Variants in CCSER1 observed in about 807,000 individuals in gnomAD.
CCSER1 encodes serine-rich coiled-coil domain-containing protein 1.
In CCSER1, 41 loss-of-function variants were observed where a neutral mutation model predicts 82.0. The observed-to-expected ratio is 0.50, with a 90% CI of 0.39 to 0.65. The LOEUF is 0.65. CCSER1 is among the 30% of genes least tolerant of loss of function. The probability of loss-of-function intolerance (pLI) is 0.00; values close to 1 mark genes in which losing one functional copy is unlikely to be tolerated. For missense variants in CCSER1, 1,119 were observed against 1,064.2 expected (o/e 1.05, Z -0.72); for synonymous variants, 414 against 383.9 (o/e 1.08, Z -0.92).
intron 3 of CCSER1, among the ~76,000 whole-genome samples, chr4:90,396,976 T>C (rs972787158): frequency 6.7e-6 from 1 of 148,254 alleles, no homozygotes; most frequent in Admixed American, 6.7e-5. Context: ...CTGTTGCTGC[T>C]ATTGGTGTCT....
chr4:90,881,562 A>G (rs552086065), intron 8 of CCSER1, among the ~76,000 whole-genome samples: 9 of 152,258 alleles, frequency 5.9e-5, no homozygotes, highest in African/African-American at 1.4e-4. Context: ...GTCTGAGCTC[A>G]GGAGTTTGAG....
intron 10 of CCSER1, among the ~76,000 whole-genome samples, chr4:91,254,052 AAACTAT>A (rs1740481478): frequency 6.6e-6 from 1 of 152,180 alleles, no homozygotes; most frequent in Admixed American, 6.5e-5. Context: ...ACACAGATTG[AAACTAT>A]ATCAGTAACA....
intron 10 of CCSER1, among the ~76,000 whole-genome samples, chr4:91,399,082 G>T (rs1389417825): frequency 6.6e-6 from 1 of 151,834 alleles, no homozygotes; most frequent in Non-Finnish European, 1.5e-5. Context: ...TTAAAAGTGG[G>T]CAGAGAGGAA....
intron 10 of CCSER1, among the ~76,000 whole-genome samples, chr4:91,192,146 C>T (rs974426852): frequency 1.3e-5 from 2 of 152,178 alleles, no homozygotes; most frequent in Admixed American, 6.6e-5. Context: ...TTATCTTTCT[C>T]TCCTGAATCT....
intron 10 of CCSER1, among the ~76,000 whole-genome samples, chr4:91,574,443 C>T (rs972300161): frequency 1.6e-4 from 24 of 151,860 alleles, no homozygotes; most frequent in African/African-American, 5.8e-4. Context: ...CACATGCACT[C>T]GTATGTTAAT....
chr4:90,936,703 C>T (rs940106023), intron 9 of CCSER1, among the ~76,000 whole-genome samples: 2 of 152,016 alleles, frequency 1.3e-5, no homozygotes, highest in African/African-American at 4.8e-5. Flanking sequence ...AAACAGAATT[C>T]CAGATTTCTA....
At chr4:90,491,802 T>A (rs1768065726) in intron 5 of CCSER1, among the ~76,000 whole-genome samples, 1 of 152,230 alleles carries the variant, frequency 6.6e-6, no homozygotes, top group Admixed American at 6.5e-5. Flanking sequence ...TGGTTCTGTT[T>A]ATATGCTGGA....
rs1206724477 is a variant in CCSER1 at position 91,013,957 on chromosome 4, G to T, written c.2173-71993G>T. Among the ~76,000 whole-genome samples, 4 of 131,092 alleles carry T rather than the reference G, an allele frequency of 3.1e-5. 1 individual carries two copies. Among genetic ancestry groups the T allele is most frequent in the African/African-American group, 1.0e-4 (4 of 39,734 alleles). 86.0% of individuals were successfully genotyped at this position (131,092 alleles called of 152,430 possible). On this transcript the variant is annotated intron_variant, in intron 9 of 10. Coordinates refer to ENST00000509176, the MANE Select transcript of CCSER1 (RefSeq NM_001145065.2). ...TTTTGTTTTTGTTGTTGTTGTTGTT[G>T]TTTTGTATTTCTGAAAAAAATGCCA...
chr4:90,686,580 T>C (rs1314136373), intron 6 of CCSER1, among the ~76,000 whole-genome samples: 3 of 152,060 alleles, frequency 2.0e-5, no homozygotes, highest in African/African-American at 7.2e-5. Flanking sequence ...GGCAGAATTG[T>C]ATTTTATTCT....
chr4:90,606,540 G>C (rs565222036), intron 5 of CCSER1, among the ~76,000 whole-genome samples: 4 of 152,228 alleles, frequency 2.6e-5, no homozygotes, highest in African/African-American at 9.6e-5. Flanking sequence ...TCCCACACTT[G>C]ACGTGATATA....
intron 9 of CCSER1, among the ~76,000 whole-genome samples, chr4:90,971,731 A>G (rs1735128920): frequency 6.6e-6 from 1 of 151,934 alleles, no homozygotes; most frequent in Non-Finnish European, 1.5e-5. Context: ...ACAGGCAAAT[A>G]TCCCTGATGA....
At chr4:91,012,632 T>G (rs1442653718) in intron 9 of CCSER1, among the ~76,000 whole-genome samples, 1 of 146,172 alleles carries the variant, frequency 6.8e-6, no homozygotes, top group African/African-American at 2.4e-5. Flanking sequence ...CAGCAGTAGC[T>G]AAGCCTCAAG....
intron 6 of CCSER1, among the ~76,000 whole-genome samples, chr4:90,674,559 G>T (rs1733464983): frequency 6.6e-6 from 1 of 151,760 alleles, no homozygotes; most frequent in South Asian, 2.1e-4. Context: ...ACTCCTGACG[G>T]CATTGTTTTA....
At chr4:90,594,579 A>T (rs1783089361) in intron 5 of CCSER1, among the ~76,000 whole-genome samples, 1 of 152,112 alleles carries the variant, frequency 6.6e-6, no homozygotes, top group Admixed American at 6.6e-5. Context: ...GGAAGGCATG[A>T]GAAACAGGTA....
intron 1 of CCSER1, among the ~76,000 whole-genome samples, chr4:90,217,517 T>C (rs150636309): frequency 2.8e-4 from 42 of 152,192 alleles, no homozygotes; most frequent in Non-Finnish European, 5.9e-4. Flanking sequence ...GCTTTCTAGG[T>C]ATAGAATTAT....
chr4:90,373,714 A>AT (rs1450568236), intron 3 of CCSER1, among the ~76,000 whole-genome samples: 26 of 152,140 alleles, frequency 1.7e-4, no homozygotes, highest in Middle Eastern at 3.2e-3. Context: ...GGTCTCCAGC[A>AT]TTTTTTCATG....
intron 10 of CCSER1, among the ~76,000 whole-genome samples, chr4:91,173,469 C>T (rs914941834): frequency 2.6e-5 from 4 of 151,998 alleles, no homozygotes; most frequent in Admixed American, 2.0e-4. Context: ...TGGCATGCGC[C>T]TATAGCCCCA....
At chr4:90,232,147 A>T (rs970697368) in intron 1 of CCSER1, among the ~76,000 whole-genome samples, 2 of 152,206 alleles carry the variant, frequency 1.3e-5, no homozygotes, top group Non-Finnish European at 2.9e-5. Flanking sequence ...GAAACCAAAA[A>T]AGAGCCCACA....
At chr4:90,518,404 G>A (rs1407998665) in intron 5 of CCSER1, among the ~76,000 whole-genome samples, 2 of 151,978 alleles carry the variant, frequency 1.3e-5, no homozygotes, top group African/African-American at 4.8e-5. Flanking sequence ...ATAAAAATAT[G>A]AAATCCATTA....
Sources: gnomAD v4.1 joint callset for allele counts (sites outside exome capture counted in the v4.1 genomes callset) on GRCh38, gnomAD v4.1.1 for gene constraint, MANE v1.5 for transcripts, NCBI Gene and HGNC (gene_info 2026-07-23, HGNC 2026-07-21) for gene names.